Variants in CTXND1 observed in about 807,000 individuals in gnomAD.
CTXND1 encodes cortexin domain containing 1, also known as cortexin domain-containing 1 protein.
Position 80,201,955 on chromosome 15 carries a change from G to A in CTXND1, c.-6C>T, listed in dbSNP as rs866724815. On this transcript the variant is annotated 5_prime_UTR_variant, in exon 3 of 3. Transcript: ENST00000560778. ...TCGGGCGTGGGCTCCTCCATCTCGC[G>A]GCAGCGACTGCGGGCTGCTCCTCCT... The A allele has an allele frequency of 2.3e-4, 92 of 398,936 alleles. No individual in the cohort carries two copies. In the Admixed American group the frequency reaches 2.4e-3, roughly 10 times the overall value. The allele number at this position is 398,936 out of a possible 1,614,324, so 24.7% of individuals were successfully genotyped here.
intron 1 of CTXND1, among the ~76,000 whole-genome samples, chr15:80,241,408 T>G (rs906445529): frequency 1.3e-5 from 2 of 152,202 alleles, no homozygotes; most frequent in African/African-American, 4.8e-5. Context: ...CAACAGACCT[T>G]TCTATGTCGA....
chr15:80,245,927 C>T (rs1893622819), intron 1 of CTXND1, among the ~76,000 whole-genome samples: 1 of 152,152 alleles, frequency 6.6e-6, no homozygotes, highest in Non-Finnish European at 1.5e-5. Flanking sequence ...TCACAGATTC[C>T]ACTTTTGTAA....
At chr15:80,234,842 CA>C (rs1893474769) in intron 1 of CTXND1, among the ~76,000 whole-genome samples, 1 of 152,206 alleles carries the variant, frequency 6.6e-6, no homozygotes, top group African/African-American at 2.4e-5. Flanking sequence ...TTTATCTAAA[CA>C]GCTGCACAGT....
chr15:80,239,688 C>G (rs1893542879), intron 1 of CTXND1, among the ~76,000 whole-genome samples: 1 of 152,076 alleles, frequency 6.6e-6, no homozygotes, highest in Admixed American at 6.5e-5. Context: ...TATATATATC[C>G]TATTAGTTCT....
chr15:80,229,547 A>T (rs927375967), intron 1 of CTXND1, among the ~76,000 whole-genome samples: 4 of 152,172 alleles, frequency 2.6e-5, no homozygotes, highest in Non-Finnish European at 5.9e-5. Context: ...CTGCAAATTC[A>T]CGCCCTGGCC....
chr15:80,212,898 G>A (rs1218335451), intron 1 of CTXND1, among the ~76,000 whole-genome samples: 6 of 152,350 alleles, frequency 3.9e-5, no homozygotes, highest in African/African-American at 1.4e-4. Flanking sequence ...ATGACTCTGA[G>A]GGAAGAGCTG....
At chr15:80,246,509 T>C (rs980496633) in intron 1 of CTXND1, among the ~76,000 whole-genome samples, 1 of 152,226 alleles carries the variant, frequency 6.6e-6, no homozygotes, top group African/African-American at 2.4e-5. Context: ...CGTCATGACA[T>C]TGGAGGCAGC....
rs2041422389 is a variant in CTXND1 at position 80,196,742 on chromosome 15, C to T, written c.*5028G>A. ...TTGTGCTGGTTTTTCTTCTTTTGCTCCAGTGTGCTGCCTATGTGGACCGTA... is the reference window on the plus strand; with the variant it reads ...TTGTGCTGGTTTTTCTTCTTTTGCTTCAGTGTGCTGCCTATGTGGACCGTA... On this transcript the variant is annotated 3_prime_UTR_variant, in exon 3 of 3. Transcript: ENST00000560778. The T allele has an allele frequency of 6.6e-6, 1 of 152,302 alleles. No individual in the cohort carries two copies. The highest frequency in any genetic ancestry group is 1.9e-4 in the East Asian group (1 of 5,182). The allele number at this position is 152,302 out of a possible 1,614,324, so 9.4% of individuals were successfully genotyped here.
intron 1 of CTXND1, among the ~76,000 whole-genome samples, chr15:80,225,569 G>C (rs1452697876): frequency 6.6e-6 from 1 of 151,814 alleles, no homozygotes; most frequent in Non-Finnish European, 1.5e-5. Context: ...CTCTGTCCTT[G>C]AGGAATTCCT....
At chr15:80,250,576 A>T (rs935761316) in intron 1 of CTXND1, among the ~76,000 whole-genome samples, 1 of 152,246 alleles carries the variant, frequency 6.6e-6, no homozygotes, top group African/African-American at 2.4e-5. Flanking sequence ...AAACAACAAC[A>T]TATGAATGCA....
At chr15:80,228,827 A>C (rs1174368359) in intron 1 of CTXND1, among the ~76,000 whole-genome samples, 1 of 151,872 alleles carries the variant, frequency 6.6e-6, no homozygotes, top group African/African-American at 2.4e-5. Context: ...ACGGGGTTTC[A>C]CCATCTTGGG....
intron 1 of CTXND1, among the ~76,000 whole-genome samples, chr15:80,242,058 G>C (rs1893574311): frequency 6.6e-6 from 1 of 152,166 alleles, no homozygotes; most frequent in African/African-American, 2.4e-5. Flanking sequence ...TACCTGGTCT[G>C]GACAGGACAT....
At chr15:80,232,253 A>G (rs187158667) in intron 1 of CTXND1, among the ~76,000 whole-genome samples, 1 of 152,094 alleles carries the variant, frequency 6.6e-6, no homozygotes, top group Non-Finnish European at 1.5e-5. Flanking sequence ...TGGCTTCTGC[A>G]TACCTCCCTG....
chr15:80,244,741 G>A (rs1398757923), intron 1 of CTXND1, among the ~76,000 whole-genome samples: 1 of 152,198 alleles, frequency 6.6e-6, no homozygotes, highest in African/African-American at 2.4e-5. Context: ...TGAGGATGCT[G>A]ATGCTGCTGG....
At chr15:80,242,333 C>T (rs572947010) in intron 1 of CTXND1, among the ~76,000 whole-genome samples, 2 of 152,338 alleles carry the variant, frequency 1.3e-5, no homozygotes, top group African/African-American at 4.8e-5. Context: ...CGCAAGGGGG[C>T]TCCTGTGAGC....
chr15:80,213,460 T>C (rs946412426), intron 1 of CTXND1, among the ~76,000 whole-genome samples: 1 of 152,118 alleles, frequency 6.6e-6, no homozygotes, highest in African/African-American at 2.4e-5. Context: ...TATCCTGAGT[T>C]GTCTGGGTGG....
In CTXND1 at chr15:80,247,539, A is replaced by AG. The variant is rs769714385; in HGVS notation, c.-218+4467dup. 7.9e-5 allele frequency among the ~76,000 whole-genome samples: 12 copies of AG among 152,160 alleles called. No individual in the cohort carries two copies. In the East Asian group the frequency reaches 2.1e-3, roughly 27 times the overall value. ...AGTGGTAAGGGAGGAATTTAGTCAT[A>AG]GGTCGAGATCTGACCCTTGGAACAC... is the stretch of plus-strand genomic sequence containing the variant. On this transcript the variant is annotated intron_variant, in intron 1 of 2. Transcript: ENST00000560778.
At chr15:80,211,425 G>T (rs1265022044) in intron 1 of CTXND1, among the ~76,000 whole-genome samples, 1 of 152,126 alleles carries the variant, frequency 6.6e-6, no homozygotes, top group Admixed American at 6.5e-5. Context: ...GGGTTAAATG[G>T]ATGGCATTTG....
chr15:80,244,648 G>A (rs768503832), intron 1 of CTXND1, among the ~76,000 whole-genome samples: 10 of 152,206 alleles, frequency 6.6e-5, no homozygotes, highest in South Asian at 2.1e-4. Context: ...GCAAGAAAGA[G>A]TGAATCAGCC....
Sources: allele counts gnomAD v4.1 joint callset (sites outside exome capture counted in the v4.1 genomes callset), GRCh38; gene constraint gnomAD v4.1.1; transcripts MANE v1.5; gene names NCBI Gene and HGNC (gene_info 2026-07-23, HGNC 2026-07-21).